ACVR1: variants seen among roughly 807,000 people sequenced by gnomAD.
ACVR1 encodes the protein activin receptor type-1.
ACVR1 carries 38 observed loss-of-function variants against 57.1 expected under a neutral mutation model. The ratio of observed to expected loss-of-function variants is 0.67; its 90% confidence interval spans 0.51 to 0.87. The LOEUF (loss-of-function observed/expected upper bound fraction) is 0.87. Ranked by LOEUF, ACVR1 falls within the 40% of genes least tolerant of loss-of-function variation. The pLI is 0.00. For synonymous variants in ACVR1, 212 were observed against 228.1 expected (o/e 0.93, Z 0.63); for missense variants, 463 against 638.2 (o/e 0.73, Z 2.96).
At chr2:157,851,896 CACACACA>C (rs1444551570) in intron 1 of ACVR1, among the ~76,000 whole-genome samples, 1 of 20,640 alleles carries the variant, frequency 4.8e-5, no homozygotes, top group Non-Finnish European at 1.0e-4. Context: ...CACACACACA[CACACACA>C]CACACACCAC....
chr2:157,827,944 G>A (rs903122999), intron 1 of ACVR1, among the ~76,000 whole-genome samples: 2 of 152,166 alleles, frequency 1.3e-5, no homozygotes, highest in African/African-American at 2.4e-5. Flanking sequence ...CTAGCTCAAA[G>A]ATTCTTCTTA....
At chr2:157,840,519 TGC>T (rs1207942631) in intron 1 of ACVR1, among the ~76,000 whole-genome samples, 6 of 152,156 alleles carry the variant, frequency 3.9e-5, no homozygotes, top group Non-Finnish European at 2.9e-5. Context: ...GAGCTAAAAG[TGC>T]AAAGTGTCAC....
intron 1 of ACVR1, among the ~76,000 whole-genome samples, chr2:157,875,284 C>T (rs1298564168): frequency 6.6e-6 from 1 of 152,128 alleles, no homozygotes; most frequent in African/African-American, 2.4e-5. Flanking sequence ...TAGGAAGAAC[C>T]GAGGGAGGGA....
At chr2:157,847,130 AAAATTTTAATAC>A (rs1163147916) in intron 1 of ACVR1, among the ~76,000 whole-genome samples, 1 of 152,226 alleles carries the variant, frequency 6.6e-6, no homozygotes, top group Non-Finnish European at 1.5e-5. Flanking sequence ...TATCTTTCAA[AAAATTTTAATAC>A]CTATTTTACA....
At chr2:157,860,500 G>A (rs1244901590) in intron 1 of ACVR1, among the ~76,000 whole-genome samples, 1 of 152,202 alleles carries the variant, frequency 6.6e-6, no homozygotes, top group Non-Finnish European at 1.5e-5. Context: ...AGGATAAGTG[G>A]TTAAGCTAAT....
chr2:157,761,971 T>G (rs182258936), intron 8 of ACVR1, among the ~76,000 whole-genome samples: 71 of 152,324 alleles, frequency 4.7e-4, no homozygotes, highest in Non-Finnish European at 8.1e-4. Context: ...TGCTTCACCT[T>G]CCACTCCACG....
intron 6 of ACVR1, among the ~76,000 whole-genome samples, chr2:157,773,665 A>T (rs1213888842): frequency 6.6e-6 from 1 of 152,226 alleles, no homozygotes; most frequent in South Asian, 2.1e-4. Flanking sequence ...AATTGGTTTC[A>T]TTAATTATGT....
Position 157,826,780 on chromosome 2 carries a change from GGAAA to G in ACVR1, c.-182-8225_-182-8222del, listed in dbSNP as rs71404311. On this transcript the variant is annotated intron_variant, in intron 1 of 10. Coordinates refer to ENST00000434821, the MANE Select transcript of ACVR1 (RefSeq NM_001111067.4). Reference sequence around the variant, plus strand: ...GGAAAGGAAAGGAAAGGAAAGGAAAGGAAAGGAAAGGGAAAGGGAAAAGGAAAAG... The same window carrying G: ...GGAAAGGAAAGGAAAGGAAAGGAAAGGGAAAGGGAAAGGGAAAAGGAAAAG... 49 of 70,596 alleles carry G rather than the reference GGAAA, an allele frequency of 6.9e-4. 1 individual carries two copies. The highest frequency in any genetic ancestry group is 3.5e-3 in the African/African-American group (46 of 13,016). The allele number at this position is 70,596 out of a possible 1,614,324, so 4.4% of individuals were successfully genotyped here.
intron 2 of ACVR1, among the ~76,000 whole-genome samples, chr2:157,813,204 T>C (rs1331995262): frequency 1.3e-5 from 2 of 151,162 alleles, no homozygotes; most frequent in Non-Finnish European, 2.9e-5. Flanking sequence ...AAAAAAAAAC[T>C]AAGCCTCAAA....
intron 9 of ACVR1, among the ~76,000 whole-genome samples, chr2:157,740,592 C>T (rs1004328830): frequency 5.9e-5 from 9 of 152,204 alleles, no homozygotes; most frequent in African/African-American, 1.9e-4. Flanking sequence ...TCTAGCATAA[C>T]AGCCATCTTT....
At chr2:157,741,436 G>A (rs1684760265) in intron 9 of ACVR1, among the ~76,000 whole-genome samples, 1 of 151,782 alleles carries the variant, frequency 6.6e-6, no homozygotes, top group African/African-American at 2.4e-5. Flanking sequence ...GACCATCCTG[G>A]TAACATGGTG....
In ACVR1 at chr2:157,852,704, C is replaced by T. The variant is rs554041801; in HGVS notation, c.-183+23092G>A. ...CCAATTTTATCACAAACATCATCTGCCATAGTTATATGATCCTCTAAATGG... is the reference window on the plus strand; with the variant it reads ...CCAATTTTATCACAAACATCATCTGTCATAGTTATATGATCCTCTAAATGG... On this transcript the variant is annotated intron_variant, in intron 1 of 10. Coordinates refer to ENST00000434821, the MANE Select transcript of ACVR1 (RefSeq NM_001111067.4). Among the ~76,000 whole-genome samples the T allele has an allele frequency of 7.9e-5, 12 of 152,224 alleles. 1 individual carries two copies. In the South Asian group the frequency reaches 2.5e-3, roughly 32 times the overall value.
Position 157,799,513 on chromosome 2 carries a change from A to G in ACVR1, c.-7-13T>C, listed in dbSNP as rs1687249386. On this transcript the variant is annotated splice_polypyrimidine_tract_variant and intron_variant, in intron 2 of 10. Coordinates refer to ENST00000434821, the MANE Select transcript of ACVR1 (RefSeq NM_001111067.4). The stretch of plus-strand genomic sequence containing the variant: ...TACCATTGTACAACTGTAAAGGGAA[A>G]AGAAGAGATGTAAGTAAAGCATAAA... 6.3e-7 allele frequency: 1 copy of G among 1,595,476 alleles called. No individual in the cohort carries two copies. Among genetic ancestry groups the G allele is most frequent in the African/African-American group, 1.3e-5 (1 of 74,542 alleles).
rs1221950895 is a variant in ACVR1, at chr2:157,838,044, A to T, written c.-182-19485T>A. ...TATCTCTCCATTTTCCTGTCAGTAC[A>T]GAACCAGCCAGTCTGACTCTGTTAT... On this transcript the variant is annotated intron_variant, in intron 1 of 10. Transcript: ENST00000434821. Among the ~76,000 whole-genome samples, 3 of 152,256 alleles carry T rather than the reference A, an allele frequency of 2.0e-5. No individual in the cohort carries two copies. In the East Asian group the frequency reaches 5.8e-4, roughly 29 times the overall value.
intron 2 of ACVR1, among the ~76,000 whole-genome samples, chr2:157,804,214 A>G (rs896570676): frequency 7.2e-5 from 11 of 152,178 alleles, no homozygotes; most frequent in African/African-American, 1.7e-4. Context: ...CAGTCTTTGT[A>G]CTATATCAGA....
intron 3 of ACVR1, among the ~76,000 whole-genome samples, chr2:157,799,147 C>T (rs190116650): frequency 3.3e-5 from 5 of 151,474 alleles, no homozygotes; most frequent in Non-Finnish European, 4.4e-5. Flanking sequence ...CCACCTGCCT[C>T]GACCTCCCAA....
intron 1 of ACVR1, among the ~76,000 whole-genome samples, chr2:157,834,622 A>G (rs1688711933): frequency 2.0e-5 from 3 of 152,206 alleles, no homozygotes; most frequent in Admixed American, 2.0e-4. Flanking sequence ...TACAGTATGA[A>G]TTCATGCAGA....
intron 2 of ACVR1, among the ~76,000 whole-genome samples, chr2:157,814,493 A>G (rs932994854): frequency 2.6e-5 from 4 of 152,226 alleles, no homozygotes; most frequent in Non-Finnish European, 5.9e-5. Flanking sequence ...TTGACAGGCA[A>G]GGGCATGAGA....
chr2:157,746,085 G>C (rs1366853212), intron 9 of ACVR1, among the ~76,000 whole-genome samples: 4 of 152,120 alleles, frequency 2.6e-5, no homozygotes, highest in Admixed American at 2.0e-4. Context: ...TGAAACAAGA[G>C]TATGTCCACA....
Sources: allele counts gnomAD v4.1 joint callset (sites outside exome capture counted in the v4.1 genomes callset), GRCh38; gene constraint gnomAD v4.1.1; transcripts MANE v1.5; gene names NCBI Gene and HGNC (gene_info 2026-07-23, HGNC 2026-07-21).